The following RFX3 variants were observed in gnomAD, a reference collection of about 807,000 sequenced individuals.
The protein encoded by RFX3 is transcription factor RFX3.
Under a neutral mutation model 98.6 loss-of-function variants are expected in RFX3, and 14 were observed. The observed-to-expected ratio is 0.14, with a 90% CI of 0.09 to 0.22. The LOEUF is 0.22. Ranked by LOEUF, RFX3 falls within the 10% of genes least tolerant of loss-of-function variation. RFX3 has a pLI of 1.00. For synonymous variants in RFX3, 383 were observed against 328.4 expected (o/e 1.17, Z -1.80); for missense variants, 639 against 926.9 (o/e 0.69, Z 4.03).
rs78432383 is a variant in RFX3, at chr9:3,481,333, G to A, written c.-9+44414C>T. ...CAAGGCTATCTGGCTTTAATGCAAC[G>A]TTGTTCAAATATATCAAAGGATTTC... On this transcript the variant is annotated intron_variant, in intron 1 of 16. Transcript: ENST00000617270. Among the ~76,000 whole-genome samples the A allele has an allele frequency of 2.6e-5, 4 of 152,104 alleles. No individual in the cohort carries two copies. In the East Asian group the frequency reaches 5.8e-4, roughly 22 times the overall value.
chr9:3,242,234 C>T (rs1209272420), intron 15 of RFX3, among the ~76,000 whole-genome samples: 1 of 152,136 alleles, frequency 6.6e-6, no homozygotes, highest in African/African-American at 2.4e-5. Flanking sequence ...AGGTTTCAAT[C>T]AGTATCAAAT....
intron 5 of RFX3, 101 bp downstream of exon 5, chr9:3,301,445 A>G: frequency 2.5e-6 from 2 of 798,126 alleles, no homozygotes; most frequent in Admixed American, 2.1e-5. Context: ...GAAGGTTAAG[A>G]AGCAAAATAA....
intron 5 of RFX3, among the ~76,000 whole-genome samples, chr9:3,295,311 CT>C (rs376730033): frequency 1.6e-4 from 24 of 152,010 alleles, no homozygotes; most frequent in African/African-American, 5.1e-4. Context: ...TATCCACATG[CT>C]TTGGTAAAAT....
intron 2 of RFX3, among the ~76,000 whole-genome samples, chr9:3,355,633 A>G (rs1050249389): frequency 6.6e-6 from 1 of 151,928 alleles, no homozygotes; most frequent in Non-Finnish European, 1.5e-5. Flanking sequence ...CATAGTTGAT[A>G]CGCAAAAAAG....
intron 16 of RFX3, among the ~76,000 whole-genome samples, chr9:3,227,630 C>G (rs1018409207): frequency 6.6e-6 from 1 of 152,160 alleles, no homozygotes; most frequent in African/African-American, 2.4e-5. Context: ...TCTGGACACC[C>G]TGGGATGAAA....
chr9:3,390,421 G>A (rs1293581948), intron 2 of RFX3, among the ~76,000 whole-genome samples: 8 of 152,170 alleles, frequency 5.3e-5, no homozygotes, highest in Non-Finnish European at 1.2e-4. Flanking sequence ...CTTGTTGAAT[G>A]GCTTTGACCA....
At chr9:3,428,844 G>A (rs932163599) in intron 1 of RFX3, among the ~76,000 whole-genome samples, 1 of 151,870 alleles carries the variant, frequency 6.6e-6, no homozygotes, top group African/African-American at 2.4e-5. Flanking sequence ...TTTTGCCAAG[G>A]ATGAGTTTCT....
At chr9:3,447,308 T>C (rs1183086711) in intron 1 of RFX3, among the ~76,000 whole-genome samples, 2 of 152,088 alleles carry the variant, frequency 1.3e-5, no homozygotes, top group Non-Finnish European at 2.9e-5. Flanking sequence ...AAAGAAGCAA[T>C]TTTAAACTCC....
chr9:3,338,930 A>T lies in RFX3; in HGVS notation c.215+7737T>A, dbSNP rs138843759. Among the ~76,000 whole-genome samples, 31 of 152,160 alleles carry T rather than the reference A, an allele frequency of 2.0e-4. No homozygotes were observed. The East Asian group carries it at 3.9e-3, about 19-fold the overall frequency. On this transcript the variant is annotated intron_variant, in intron 3 of 16. Coordinates refer to ENST00000617270, the MANE Select transcript of RFX3 (RefSeq NM_001282116.2). ...TGAAGAAACCCTGTCTCTACTAAAA[A>T]ATACAAAAATTAGCCGGGCGTGGTG...
chr9:3,426,368 TG>T (rs1177642932), intron 1 of RFX3, among the ~76,000 whole-genome samples: 2 of 152,010 alleles, frequency 1.3e-5, no homozygotes, highest in African/African-American at 4.8e-5. Context: ...ACCCTTCTTC[TG>T]GCTATCTGAA....
intron 1 of RFX3, among the ~76,000 whole-genome samples, chr9:3,522,670 C>A (rs1564203347): frequency 6.6e-6 from 1 of 151,176 alleles, no homozygotes; most frequent in African/African-American, 2.4e-5. Flanking sequence ...AATCTGAAAA[C>A]CAAAAATCAT....
At chr9:3,356,495 C>G in intron 2 of RFX3, among the ~76,000 whole-genome samples, 1 of 151,818 alleles carries the variant, frequency 6.6e-6, no homozygotes, top group East Asian at 1.9e-4. Flanking sequence ...AATTTATTCC[C>G]GCAGAGGAAA....
intron 1 of RFX3, among the ~76,000 whole-genome samples, chr9:3,484,827 T>C (rs1418497781): frequency 2.0e-5 from 3 of 151,970 alleles, no homozygotes; most frequent in Non-Finnish European, 4.4e-5. Context: ...GCTCAACCTG[T>C]AATCCTAACC....
chr9:3,296,667 T>G (rs1396236991), intron 5 of RFX3, among the ~76,000 whole-genome samples: 1 of 152,080 alleles, frequency 6.6e-6, no homozygotes, highest in Non-Finnish European at 1.5e-5. Context: ...CCCTACCCGT[T>G]GTATGCAGAA....
At chr9:3,235,067 C>T (rs1049101877) in intron 15 of RFX3, among the ~76,000 whole-genome samples, 4 of 152,152 alleles carry the variant, frequency 2.6e-5, no homozygotes, top group Admixed American at 1.3e-4. Flanking sequence ...TTTAATTGTA[C>T]GCATTCGTGG....
At chr9:3,255,618 T>A (rs965823918) in intron 14 of RFX3, among the ~76,000 whole-genome samples, 2 of 152,224 alleles carry the variant, frequency 1.3e-5, no homozygotes, top group Non-Finnish European at 2.9e-5. Flanking sequence ...GTTAAAAATA[T>A]AATTTACCCA....
intron 14 of RFX3, among the ~76,000 whole-genome samples, chr9:3,253,199 C>T (rs147659752): frequency 7.6e-4 from 116 of 152,248 alleles, no homozygotes; most frequent in African/African-American, 2.6e-3. Flanking sequence ...CCCTAACATG[C>T]GATAGCCAAC....
At chr9:3,299,060 G>A (rs1450682891) in intron 5 of RFX3, among the ~76,000 whole-genome samples, 1 of 151,596 alleles carries the variant, frequency 6.6e-6, no homozygotes, top group Non-Finnish European at 1.5e-5. Context: ...TCACCTTAAA[G>A]AATCCCACAA....
intron 1 of RFX3, among the ~76,000 whole-genome samples, chr9:3,523,821 A>G (rs1179393535): frequency 6.6e-6 from 1 of 152,188 alleles, no homozygotes; most frequent in East Asian, 1.9e-4. Context: ...CAGTTTGGGG[A>G]GAGGAGGAAT....
Sources: gnomAD v4.1 joint callset for allele counts (sites outside exome capture counted in the v4.1 genomes callset) on GRCh38, gnomAD v4.1.1 for gene constraint, MANE v1.5 for transcripts, NCBI Gene and HGNC (gene_info 2026-07-23, HGNC 2026-07-21) for gene names.